The following KLHL6 variants were observed in gnomAD, a reference collection of about 807,000 sequenced individuals.
KLHL6 encodes kelch like family member 6, also known as kelch-like protein 6.
A neutral mutation model predicts 58.6 loss-of-function variants in KLHL6; 41 were observed. The ratio of observed to expected loss-of-function variants is 0.70; its 90% CI spans 0.55 to 0.91. KLHL6 has a LOEUF of 0.91. Ranked by LOEUF, KLHL6 falls within the 40% of genes least tolerant of loss-of-function variation. The pLI, the probability that KLHL6 is intolerant of heterozygous loss-of-function variation, is 0.00. For missense variants in KLHL6, 714 were observed against 805.6 expected, an observed-to-expected ratio of 0.89 and a Z score of 1.38; for synonymous variants, 338 against 322.7, an observed-to-expected ratio of 1.05 and a Z score of -0.51.
chr3:183,507,367 C>A (rs1450964506), intron 3 of KLHL6, among the ~76,000 whole-genome samples: 1 of 152,130 alleles, frequency 6.6e-6, no homozygotes, highest in East Asian at 1.9e-4. Context: ...CAAGGAAGAG[C>A]AGCACCCCCA....
At position 183,541,889 on chromosome 3, in the gene KLHL6, G is replaced by A. The variant is rs150662804; in HGVS notation, c.293+13472C>T. On this transcript the variant is annotated intron_variant, in intron 1 of 6. Coordinates refer to ENST00000341319, the MANE Select transcript of KLHL6 (RefSeq NM_130446.4). ...AACGGGATAGCCTGGGCAGGAGAAGGGTTGATAAGGTCAGACCACTTTCTC... is the reference window on the plus strand; with the variant it reads ...AACGGGATAGCCTGGGCAGGAGAAGAGTTGATAAGGTCAGACCACTTTCTC... Among the ~76,000 whole-genome samples, 295 of 152,192 alleles carry A rather than the reference G, an allele frequency of 1.9e-3. 2 individuals are homozygous for A. Among genetic ancestry groups the A allele is most frequent in the African/African-American group, 7.0e-3 (289 of 41,544 alleles).
intron 1 of KLHL6, among the ~76,000 whole-genome samples, chr3:183,550,679 C>T (rs1024233656): frequency 2.0e-5 from 3 of 151,906 alleles, no homozygotes; most frequent in Non-Finnish European, 2.9e-5. Flanking sequence ...TCCTGTGGTC[C>T]CAGCTACTTG....
intron 1 of KLHL6, among the ~76,000 whole-genome samples, chr3:183,544,390 G>T (rs1314799394): frequency 6.6e-6 from 1 of 152,046 alleles, no homozygotes; most frequent in Non-Finnish European, 1.5e-5. Context: ...TACAAAAGAA[G>T]CAGAGGGATC....
chr3:183,534,950 A>ATATTTTTT (rs1356557331), intron 1 of KLHL6, among the ~76,000 whole-genome samples: 10 of 96,756 alleles, frequency 1.0e-4, no homozygotes, highest in African/African-American at 3.0e-4. Context: ...ATATATATAT[A>ATATTTTTT]TTTTTTTTTT....
chr3:183,532,132 GTAAT>G (rs923852163), intron 1 of KLHL6, among the ~76,000 whole-genome samples: 4 of 152,192 alleles, frequency 2.6e-5, no homozygotes, highest in African/African-American at 9.7e-5. Flanking sequence ...TTTTTAGGAA[GTAAT>G]TAAAGTGAAA....
At chr3:183,533,923 C>T (rs562026989) in intron 1 of KLHL6, among the ~76,000 whole-genome samples, 3 of 148,378 alleles carry the variant, frequency 2.0e-5, no homozygotes, top group Admixed American at 1.3e-4. Context: ...AGGTGAATTC[C>T]GGGGCCTCTG....
chr3:183,510,703 C>T (rs1208249184), intron 2 of KLHL6, among the ~76,000 whole-genome samples: 1 of 151,922 alleles, frequency 6.6e-6, no homozygotes, highest in Non-Finnish European at 1.5e-5. Context: ...GGAGATACCC[C>T]GTCTCTACTA....
chr3:183,526,709 A>T (rs1316174444), intron 2 of KLHL6, among the ~76,000 whole-genome samples: 1 of 152,222 alleles, frequency 6.6e-6, no homozygotes, highest in Non-Finnish European at 1.5e-5. Flanking sequence ...ATTAAAACTA[A>T]CATCTCTATG....
chr3:183,494,205 G>T lies in KLHL6; in HGVS notation c.1224C>A (p.Asn408Lys). 6.2e-7 allele frequency: 1 copy of T among 1,614,008 alleles called. No homozygotes were observed. The highest frequency in any genetic ancestry group is 8.5e-7 in the Non-Finnish European group (1 of 1,179,884). The change falls in exon 5 of 7, where the codon AAC (asparagine) becomes AAA (lysine). Residue 408 changes from asparagine (N) to lysine (K), a missense_variant. Transcript: ENST00000341319. ...INKWIQIEYLNIGRWRHKMVV... is the reference protein window; with the variant it reads ...INKWIQIEYLKIGRWRHKMVV... ...CCATCTTATGCCTCCAGCGGCCTAT[G>T]TTTAAATACTCAATCTGAATCCACT...
intron 1 of KLHL6, among the ~76,000 whole-genome samples, chr3:183,533,809 A>G (rs1712235913): frequency 2.0e-5 from 3 of 151,564 alleles, no homozygotes; most frequent in Non-Finnish European, 4.4e-5. Context: ...TGTTGTTTTA[A>G]TCAATGGTAA....
chr3:183,510,972 G>T (rs1718167289), intron 2 of KLHL6, among the ~76,000 whole-genome samples: 1 of 152,070 alleles, frequency 6.6e-6, no homozygotes, highest in Non-Finnish European at 1.5e-5. Context: ...CGTCAGGTGG[G>T]ACGAGAGACT....
intron 2 of KLHL6, among the ~76,000 whole-genome samples, chr3:183,514,135 C>A (rs1251858856): frequency 6.6e-6 from 1 of 152,206 alleles, no homozygotes; most frequent in African/African-American, 2.4e-5. Flanking sequence ...TGAGCAGAGA[C>A]AAAGCGCCTG....
chr3:183,526,152 A>G (rs1278796540), intron 2 of KLHL6, among the ~76,000 whole-genome samples: 6 of 152,120 alleles, frequency 3.9e-5, no homozygotes, highest in Non-Finnish European at 7.4e-5. Context: ...TACTAAAAAT[A>G]CAAAAAAAAT....
At chr3:183,528,536 C>G (rs1712055440) in intron 1 of KLHL6, among the ~76,000 whole-genome samples, 1 of 152,224 alleles carries the variant, frequency 6.6e-6, no homozygotes, top group Non-Finnish European at 1.5e-5. Context: ...CTTGAATTCC[C>G]TCATTTCAGG....
intron 1 of KLHL6, among the ~76,000 whole-genome samples, chr3:183,532,110 T>C (rs1165176693): frequency 6.6e-6 from 1 of 152,166 alleles, no homozygotes; most frequent in Non-Finnish European, 1.5e-5. Flanking sequence ...GTGAATGTAT[T>C]AGGAGATAAG....
At chr3:183,526,588 G>A (rs1031598460) in intron 2 of KLHL6, among the ~76,000 whole-genome samples, 2 of 152,148 alleles carry the variant, frequency 1.3e-5, no homozygotes, top group Non-Finnish European at 2.9e-5. Flanking sequence ...TGCCTAGAAA[G>A]TAAAAGATAT....
At chr3:183,523,568 G>C (rs1173657879) in intron 2 of KLHL6, among the ~76,000 whole-genome samples, 1 of 152,144 alleles carries the variant, frequency 6.6e-6, no homozygotes, top group Non-Finnish European at 1.5e-5. Context: ...ATGTACCGTA[G>C]GGATCCTTAC....
chr3:183,515,812 T>C (rs763591363), intron 2 of KLHL6, among the ~76,000 whole-genome samples: 4 of 152,150 alleles, frequency 2.6e-5, no homozygotes, highest in Non-Finnish European at 5.9e-5. Context: ...GCAGAAAGTC[T>C]GGAAAAAGAA....
intron 1 of KLHL6, among the ~76,000 whole-genome samples, chr3:183,539,722 A>G (rs1444674751): frequency 6.6e-6 from 1 of 150,924 alleles, no homozygotes; most frequent in Non-Finnish European, 1.5e-5. Context: ...AAAAAAAAAC[A>G]AAAAAACAAC....
Sources: gnomAD v4.1 joint callset for allele counts (sites outside exome capture counted in the v4.1 genomes callset) on GRCh38, gnomAD v4.1.1 for gene constraint, MANE v1.5 for transcripts, NCBI Gene and HGNC (gene_info 2026-07-23, HGNC 2026-07-21) for gene names.